Variants in PPP2R5C observed in about 807,000 individuals in gnomAD.
PPP2R5C encodes protein phosphatase 2 regulatory subunit B'gamma.
PPP2R5C carries 7 observed loss-of-function variants against 68.9 expected under a neutral mutation model. The observed-to-expected ratio is 0.10, with a 90% CI of 0.06 to 0.19. PPP2R5C has a LOEUF of 0.19. PPP2R5C is among the 10% of genes least tolerant of loss of function. PPP2R5C has a pLI of 1.00. For missense variants in PPP2R5C, 348 were observed against 641.3 expected, an observed-to-expected ratio of 0.54 and a Z score of 4.94; for synonymous variants, 210 against 222.2, an observed-to-expected ratio of 0.95 and a Z score of 0.49.
intron 1 of PPP2R5C, 101 bp from the exon 2 acceptor site, chr14:101,762,804 C>T (rs955066226): frequency 1.1e-6 from 1 of 924,876 alleles, no homozygotes; most frequent in African/African-American, 1.7e-5. Flanking sequence ...ATATCAGAAG[C>T]TGTAGTTGTA....
chr14:101,777,147 G>A (rs937889206), intron 2 of PPP2R5C, among the ~76,000 whole-genome samples: 6 of 151,916 alleles, frequency 3.9e-5, no homozygotes, highest in African/African-American at 2.4e-5. Context: ...CCAAACGCTC[G>A]TTCCTTTTTA....
chr14:101,860,513 T>C (rs1313095485), intron 2 of PPP2R5C, among the ~76,000 whole-genome samples: 1 of 152,232 alleles, frequency 6.6e-6, no homozygotes, highest in African/African-American at 2.4e-5. Context: ...CGCAAGCTTT[T>C]GTATGAACGT....
rs114640004 is a variant in PPP2R5C at position 101,864,546 on chromosome 14, G to A, written c.294+7661G>A. ...GCGGTGGCGGTCAGTGTAAGGTCTG[G>A]TAAGAGCACAGGCATAGGAGGCCTA... On this transcript the variant is annotated intron_variant, in intron 2 of 13. Coordinates refer to ENST00000334743, the Ensembl canonical transcript of PPP2R5C. Among the ~76,000 whole-genome samples the A allele has an allele frequency of 7.2e-3, 1,092 of 152,282 alleles. 13 individuals are homozygous for A. The highest frequency in any genetic ancestry group is 0.025 in the African/African-American group (1,029 of 41,554).
chr14:101,762,960 TA>T lies in PPP2R5C; in HGVS notation c.84del (p.Glu29AsnfsTer23). 6.3e-7 allele frequency: 1 copy of T among 1,576,032 alleles called. No homozygotes were observed. Among genetic ancestry groups the T allele is most frequent in the Non-Finnish European group, 8.6e-7 (1 of 1,159,604 alleles). On this transcript the variant is annotated frameshift_variant, in exon 2 of 15. Transcript: ENST00000328724. LOFTEE classifies it high-confidence loss of function. ...AGTTCAAAAGAAGGACAAGACACAG[TA>T]GAATCAGAGGTAACTGTCATCAAAT... is the stretch of plus-strand genomic sequence containing the variant.
At chr14:101,812,758 A>T (rs1480808031) in intron 1 of PPP2R5C, among the ~76,000 whole-genome samples, 1 of 152,182 alleles carries the variant, frequency 6.6e-6, no homozygotes, top group African/African-American at 2.4e-5. Flanking sequence ...CAGGGTTCTA[A>T]TGTGGATATG....
rs1353282094 is a variant in PPP2R5C at position 101,762,828 on chromosome 14, A to G, written c.28-77A>G. 1.3e-5 allele frequency: 16 copies of G among 1,211,198 alleles called. No individual in the cohort carries two copies. The East Asian group carries it at 3.8e-4, about 29-fold the overall frequency. The allele number at this position is 1,211,198 out of a possible 1,614,324, so 75.0% of individuals were successfully genotyped here. A position where few individuals can be genotyped will look rare whatever the true frequency, so the allele number is the denominator to read the frequency against. On this transcript the variant is annotated intron_variant, in intron 1 of 14. Transcript: ENST00000328724. ...GCTGTAGTTGTATAAATCACTTTTAAAACTGCATTTGGCTTATCTGATGTT... is the reference window on the plus strand; with the variant it reads ...GCTGTAGTTGTATAAATCACTTTTAGAACTGCATTTGGCTTATCTGATGTT...
chr14:101,868,973 C>A (rs2043241587), intron 2 of PPP2R5C, among the ~76,000 whole-genome samples: 1 of 152,120 alleles, frequency 6.6e-6, no homozygotes, highest in African/African-American at 2.4e-5. Context: ...AGTGCAGTGG[C>A]ACCATATCAG....
At chr14:101,802,515 A>G (rs181091947) in intron 3 of PPP2R5C, among the ~76,000 whole-genome samples, 21 of 152,356 alleles carry the variant, frequency 1.4e-4, no homozygotes, top group Admixed American at 1.2e-3. Context: ...GAGTAAAACT[A>G]TAATGTTTGA....
At chr14:101,766,574 C>T (rs2036871829) in intron 2 of PPP2R5C, 3 of 152,186 alleles carry the variant, frequency 2.0e-5, no homozygotes, top group Admixed American at 2.0e-4. Context: ...GAAACTTCTA[C>T]TCCTTGAATG....
At chr14:101,824,076 G>A in intron 1 of PPP2R5C, 2 of 1,289,146 alleles carry the variant, frequency 1.6e-6, no homozygotes, top group Non-Finnish European at 2.0e-6. Flanking sequence ...CAGACTCCAG[G>A]ACTGACTTTC....
chr14:101,910,964 C>A (rs906556418), intron 11 of PPP2R5C, among the ~76,000 whole-genome samples: 2 of 152,054 alleles, frequency 1.3e-5, no homozygotes, highest in African/African-American at 4.8e-5. Context: ...ATTAGCCGGG[C>A]GTGGTGGCAG....
intron 2 of PPP2R5C, among the ~76,000 whole-genome samples, chr14:101,774,159 A>G (rs1004403226): frequency 9.9e-5 from 15 of 152,238 alleles, no homozygotes; most frequent in Admixed American, 7.9e-4. Flanking sequence ...CTTTGTTCAC[A>G]CAGGCAAAGA....
chr14:101,846,267 T>C (rs1459454227), intron 1 of PPP2R5C, among the ~76,000 whole-genome samples: 1 of 152,206 alleles, frequency 6.6e-6, no homozygotes, highest in Non-Finnish European at 1.5e-5. Context: ...CAGAGGCACA[T>C]GTGTGCAGGG....
At chr14:101,768,737 C>A (rs1038198685) in intron 2 of PPP2R5C, among the ~76,000 whole-genome samples, 1 of 151,938 alleles carries the variant, frequency 6.6e-6, no homozygotes, top group Non-Finnish European at 1.5e-5. Context: ...CTGAAAGGGT[C>A]AAGGGACACA....
At position 101,916,234 on chromosome 14, in the gene PPP2R5C, G is replaced by C. The variant is rs1330523984; in HGVS notation, c.1327-1597G>C. ...TGTGTGGAGATCGTGGTGCTGGGCG[G>C]AGCTGTGGGAGTGAAGGCACAGGGC... On this transcript the variant is annotated intron_variant, in intron 12 of 13. Transcript: ENST00000334743. This position sits in a 1 kb window ranked among gnomAD's most constrained non-coding sequence, Gnocchi z 5.5. Among the ~76,000 whole-genome samples the C allele has an allele frequency of 6.6e-6, 1 of 151,810 alleles. No homozygotes were observed. Among genetic ancestry groups the C allele is most frequent in the Non-Finnish European group, 1.5e-5 (1 of 67,924 alleles).
At position 101,882,134 on chromosome 14, in the gene PPP2R5C, T is replaced by G. The variant is rs1282476179; in HGVS notation, c.295-27T>G. 6.6e-7 allele frequency: 1 copy of G among 1,514,494 alleles called. No homozygotes were observed. The highest frequency in any genetic ancestry group is 9.0e-7 in the Non-Finnish European group (1 of 1,109,868). The allele number at this position is 1,514,494 out of a possible 1,614,324, so 93.8% of individuals were successfully genotyped here. On this transcript the variant is annotated intron_variant, in intron 2 of 13. Transcript: ENST00000334743. The surrounding 1 kb of genome is among the most constrained non-coding windows in gnomAD (Gnocchi z 4.9). ...CTGTAAATATTTTAAATGCCCTGAT[T>G]GTAATTATAGAATATGTGGATTTTA...
At chr14:101,770,814 G>T (rs962209020) in intron 2 of PPP2R5C, among the ~76,000 whole-genome samples, 3 of 152,262 alleles carry the variant, frequency 2.0e-5, no homozygotes, top group African/African-American at 7.2e-5. Context: ...TGGTGGAAAG[G>T]TTTCCACCTG....
chr14:101,911,743 C>T (rs137861105), intron 11 of PPP2R5C, among the ~76,000 whole-genome samples: 14 of 151,746 alleles, frequency 9.2e-5, no homozygotes, highest in African/African-American at 2.7e-4. Flanking sequence ...ATTAGCCGGG[C>T]GGTAGTAGCA....
At chr14:101,873,080 A>G (rs978105655) in intron 2 of PPP2R5C, among the ~76,000 whole-genome samples, 2 of 152,160 alleles carry the variant, frequency 1.3e-5, no homozygotes, top group South Asian at 2.1e-4. Flanking sequence ...TACTTAAGCA[A>G]TTAGAGATCT....
Sources: gnomAD v4.1 joint callset for allele counts (sites outside exome capture counted in the v4.1 genomes callset) on GRCh38, gnomAD v4.1.1 for gene constraint, Gnocchi (gnomAD v3.1) non-coding constraint, MANE v1.5 for transcripts, NCBI Gene and HGNC (gene_info 2026-07-23, HGNC 2026-07-21) for gene names.